CLNK: variants seen among roughly 807,000 people sequenced by gnomAD.
CLNK encodes cytokine-dependent hematopoietic cell linker.
Under a neutral mutation model 68.6 loss-of-function variants are expected in CLNK, and 74 were observed. The observed-to-expected ratio is 1.08, with a 90% CI of 0.89 to 1.31. The LOEUF is 1.31. CLNK is among the 50% of genes most tolerant of loss of function. The pLI, the probability that CLNK is intolerant of heterozygous loss-of-function variation, is 0.00. For synonymous variants in CLNK, 198 were observed against 172.2 expected (o/e 1.15, Z -1.17); for missense variants, 553 against 515.3 (o/e 1.07, Z -0.71).
Position 10,540,508 on chromosome 4 carries a change from G to T in CLNK, c.588C>A (p.Val196=). ...GAATCTCTCACCTGGGCATTCTCTG[G>T]ACTTCTGGAAAGGTGTGTCTCTGAG... is the stretch of plus-strand genomic sequence containing the variant. ...PLSQRHTFPE[V]QRMPSQISLR... is the part of the protein sequence containing the mutation. The change falls in exon 11 of 19, where the codon GTC becomes GTA. Residue 196 remains valine, a synonymous_variant. Transcript: ENST00000226951. The T allele has an allele frequency of 6.2e-7, 1 of 1,612,062 alleles. No homozygotes were observed. The highest frequency in any genetic ancestry group is 8.5e-7 in the Non-Finnish European group (1 of 1,178,202).
intron 14 of CLNK, among the ~76,000 whole-genome samples, chr4:10,525,124 G>A (rs1447752625): frequency 6.6e-6 from 1 of 152,176 alleles, no homozygotes; most frequent in Admixed American, 6.5e-5. Flanking sequence ...GAGTGCAGTG[G>A]CGCCATCTTG....
intron 14 of CLNK, among the ~76,000 whole-genome samples, chr4:10,524,987 C>T (rs946898259): frequency 2.0e-5 from 3 of 152,154 alleles, no homozygotes; most frequent in Non-Finnish European, 4.4e-5. Flanking sequence ...CCTTACAGCA[C>T]TAATACTGGA....
the CLNK span, among the ~76,000 whole-genome samples, chr4:10,718,636 C>A: frequency 2.0e-5 from 3 of 151,182 alleles, no homozygotes; most frequent in Admixed American, 6.6e-5. Context: ...CTAGCAGAAG[C>A]AGACCTGTTT....
chr4:10,544,332 G>A (rs1160936940), intron 8 of CLNK, among the ~76,000 whole-genome samples: 2 of 152,196 alleles, frequency 1.3e-5, no homozygotes, highest in African/African-American at 4.8e-5. Flanking sequence ...CACATAGTAT[G>A]TGTTAGGTAT....
intron 13 of CLNK, among the ~76,000 whole-genome samples, chr4:10,527,629 G>C (rs1473285225): frequency 6.6e-6 from 1 of 152,192 alleles, no homozygotes; most frequent in African/African-American, 2.4e-5. Context: ...GTGACTGTTG[G>C]ATTGCATGCT....
At chr4:10,705,658 G>A in the CLNK span, among the ~76,000 whole-genome samples, 2 of 152,118 alleles carry the variant, frequency 1.3e-5, no homozygotes, top group Non-Finnish European at 1.5e-5. Flanking sequence ...GGACCCTTGC[G>A]ATTGTATTGG....
At chr4:10,545,771 G>A (rs114371073) in intron 8 of CLNK, among the ~76,000 whole-genome samples, 1 of 152,132 alleles carries the variant, frequency 6.6e-6, no homozygotes, top group South Asian at 2.1e-4. Flanking sequence ...TTGAAATCTG[G>A]TTGGAGGTTG....
At chr4:10,599,031 A>T (rs1027746991) in intron 2 of CLNK, among the ~76,000 whole-genome samples, 1 of 152,230 alleles carries the variant, frequency 6.6e-6, no homozygotes, top group Non-Finnish European at 1.5e-5. Context: ...CTCAAGTGCT[A>T]CTTCCTCAGA....
intron 18 of CLNK, among the ~76,000 whole-genome samples, chr4:10,498,110 G>A (rs1010225236): frequency 2.6e-5 from 4 of 152,202 alleles, no homozygotes; most frequent in African/African-American, 4.8e-5. Flanking sequence ...CAGGAGAATC[G>A]CTTGAACCCG....
At chr4:10,595,452 C>G (rs1214571478) in intron 3 of CLNK, among the ~76,000 whole-genome samples, 3 of 152,138 alleles carry the variant, frequency 2.0e-5, no homozygotes, top group Non-Finnish European at 4.4e-5. Context: ...ACATTCATCT[C>G]AATATTGCAG....
At chr4:10,612,019 T>A (rs2041212) in intron 2 of CLNK, among the ~76,000 whole-genome samples, 104,992 of 151,514 alleles carry the variant, frequency 0.69, 37,231 homozygotes, top group East Asian at 0.77. Flanking sequence ...CAGTAAACGC[T>A]GCATGTCACA....
chr4:10,542,303 A>C, intron 8 of CLNK, 23 bp from the exon 9 acceptor site: 1 of 1,503,228 alleles, frequency 6.7e-7, no homozygotes, highest in Non-Finnish European at 9.1e-7. Flanking sequence ...AGGGAATAGC[A>C]GTGAATTTAT....
At position 10,498,440 on chromosome 4, in the gene CLNK, C is replaced by T. The variant is rs1022469433; in HGVS notation, c.1140+2816G>A. On this transcript the variant is annotated intron_variant, in intron 18 of 18. Transcript: ENST00000226951. ...CCTGCAGGCGGAGTTTGCAGTGAGC[C>T]GAGATCGCGCCACTGCACTCCAGCC... Among the ~76,000 whole-genome samples the T allele has an allele frequency of 5.9e-5, 9 of 152,214 alleles. 1 individual carries two copies. Among genetic ancestry groups the T allele is most frequent in the Admixed American group, 3.9e-4 (6 of 15,292 alleles).
the CLNK span, among the ~76,000 whole-genome samples, chr4:10,714,692 G>A: frequency 6.6e-6 from 1 of 151,478 alleles, no homozygotes; most frequent in South Asian, 2.1e-4. Context: ...TGGTGTGTGT[G>A]TGTGTGTGTG....
intron 3 of CLNK, among the ~76,000 whole-genome samples, chr4:10,595,074 C>T (rs1381120461): frequency 6.6e-6 from 1 of 152,010 alleles, no homozygotes; most frequent in Admixed American, 6.6e-5. Context: ...AGAGTGAAAC[C>T]CCGTCTCAAA....
chr4:10,604,332 G>C (rs1160868037), intron 2 of CLNK, among the ~76,000 whole-genome samples: 2 of 152,192 alleles, frequency 1.3e-5, no homozygotes, highest in African/African-American at 2.4e-5. Context: ...GTAGCCAAGT[G>C]ATCGATGTCC....
At chr4:10,680,283 C>A (rs967876535) in intron 1 of CLNK, among the ~76,000 whole-genome samples, 1 of 148,020 alleles carries the variant, frequency 6.8e-6, no homozygotes, top group South Asian at 2.1e-4. Context: ...AACCAAACAC[C>A]GCATGTTCTC....
chr4:10,671,631 A>C (rs1307525376), intron 1 of CLNK, among the ~76,000 whole-genome samples: 1 of 152,176 alleles, frequency 6.6e-6, no homozygotes, highest in African/African-American at 2.4e-5. Context: ...AAGGTAATAA[A>C]TTATAGAGAA....
At chr4:10,539,727 T>C (rs1297085126) in intron 11 of CLNK, among the ~76,000 whole-genome samples, 2 of 152,254 alleles carry the variant, frequency 1.3e-5, no homozygotes, top group Non-Finnish European at 2.9e-5. Context: ...TTTTATAATA[T>C]TTATTTTTCA....
Sources: gnomAD v4.1 joint callset for allele counts (sites outside exome capture counted in the v4.1 genomes callset) on GRCh38, gnomAD v4.1.1 for gene constraint, MANE v1.5 for transcripts, NCBI Gene and HGNC (gene_info 2026-07-23, HGNC 2026-07-21) for gene names.